Variants in GSTT4 observed in about 807,000 individuals in gnomAD.
The protein encoded by GSTT4 is glutathione S-transferase theta 4.
At chr22:23,996,874 T>C (rs1452101250), downstream of GSTT4, among the ~76,000 whole-genome samples, 1 of 152,074 alleles carries the variant, frequency 6.6e-6, no homozygotes, top group Non-Finnish European at 1.5e-5. Flanking sequence ...TTTCTTCCTG[T>C]TTTATTTTTT....
Position 24,001,251 on chromosome 22 carries a change from C to G in GSTT4, c.275G>C (p.Arg92Pro), listed in dbSNP as rs1313595973. ...AGCCACGAACTCATCCACACGGGCA[C>G]GTGCGTGCGGGTCTGGCGGGCACCA... ...SHWCPPDPHA[R>P]ARVDEFVAWQ... Residue 92 changes from arginine (R) to proline (P), a missense_variant, in exon 3 of 5, where the codon CGT becomes CCT. Arg to Pro is a moderately radical substitution (Grantham distance 103). Coordinates refer to ENST00000621179, the MANE Select transcript of GSTT4 (RefSeq NM_001358664.2). 1 of 151,688 alleles carries G rather than the reference C, an allele frequency of 6.6e-6. No individual in the cohort carries two copies. The highest frequency in any genetic ancestry group is 1.5e-5 in the Non-Finnish European group (1 of 67,886). 9.4% of individuals were successfully genotyped at this position (151,688 alleles called of 1,614,324 possible).
downstream of GSTT4, among the ~76,000 whole-genome samples, chr22:23,993,615 T>C (rs1477634308): frequency 2.6e-5 from 4 of 152,222 alleles, no homozygotes; most frequent in Non-Finnish European, 4.4e-5. Flanking sequence ...CTCTTCTCTC[T>C]GTCCCAATGT....
downstream of GSTT4, among the ~76,000 whole-genome samples, chr22:23,997,445 T>A (rs1407900448): frequency 6.6e-6 from 1 of 152,076 alleles, no homozygotes; most frequent in African/African-American, 2.4e-5. Flanking sequence ...CTGTTCTCAA[T>A]CTCCTGGCCT....
intron 4 of GSTT4, among the ~76,000 whole-genome samples, chr22:23,999,234 GC>G (rs1452985925): frequency 6.6e-6 from 1 of 152,010 alleles, no homozygotes; most frequent in Non-Finnish European, 1.5e-5. Flanking sequence ...TCTTTGGGAA[GC>G]CCAAGAATGG....
chr22:23,991,658 A>G, the GSTT4 span, among the ~76,000 whole-genome samples: 1 of 124,052 alleles, frequency 8.1e-6, no homozygotes, highest in Non-Finnish European at 1.8e-5. Context: ...CGCCCTCTTC[A>G]CTCATCCCTT....
chr22:23,996,005 T>A (rs6004012), downstream of GSTT4, among the ~76,000 whole-genome samples: 37,823 of 149,980 alleles, frequency 0.25, 5,965 homozygotes, highest in African/African-American at 0.48. Flanking sequence ...GTGCAGTGGC[T>A]TGATCTTGGC....
chr22:23,994,125 G>T (rs680065), downstream of GSTT4, among the ~76,000 whole-genome samples: 1 of 151,940 alleles, frequency 6.6e-6, no homozygotes, highest in Admixed American at 6.6e-5. Context: ...GAGATATAAT[G>T]TTCAAATTTA....
At position 24,005,330 on chromosome 22, in the gene GSTT4, C is replaced by G. The variant is rs1319367808; in HGVS notation, c.27G>C (p.Leu9=). The G allele has an allele frequency of 6.5e-6, 1 of 153,366 alleles. No homozygotes were observed. Among genetic ancestry groups the G allele is most frequent in the Non-Finnish European group, 1.5e-5 (1 of 68,556 alleles). 9.5% of individuals were successfully genotyped at this position (153,366 alleles called of 1,614,324 possible). Residue 9 remains leucine (L), a synonymous_variant, in exon 1 of 5, where the codon CTG becomes CTC. Coordinates refer to ENST00000621179, the MANE Select transcript of GSTT4 (RefSeq NM_001358664.2). ...AGACGGCACGGCAGGGTGCTGACAG[C>G]AGGTCCATGTAGAGCTCCAGTGCCA... MALELYMD[L]LSAPCRAVYI...
At chr22:23,995,940 G>T (rs1175731162), downstream of GSTT4, among the ~76,000 whole-genome samples, 2 of 151,944 alleles carry the variant, frequency 1.3e-5, no homozygotes, top group Non-Finnish European at 2.9e-5. Context: ...CTGCAACCTT[G>T]CTGAACTTAT....
chr22:23,999,124 C>A (rs2034170154), intron 4 of GSTT4, among the ~76,000 whole-genome samples: 1 of 152,152 alleles, frequency 6.6e-6, no homozygotes. Flanking sequence ...CATGTTTAGC[C>A]TCCCACTGTG....
the GSTT4 span, among the ~76,000 whole-genome samples, chr22:23,991,820 C>G: frequency 7.4e-6 from 1 of 135,504 alleles, no homozygotes; most frequent in African/African-American, 2.6e-5. Context: ...TTTGGGAGAC[C>G]GAGGGGGGTG....
chr22:23,998,288 T>C (rs1471372791), downstream of GSTT4: 1 of 152,132 alleles, frequency 6.6e-6, no homozygotes, highest in Admixed American at 6.6e-5. Flanking sequence ...AATGTAACCA[T>C]ATTTAACCCT....
downstream of GSTT4, among the ~76,000 whole-genome samples, chr22:23,998,235 T>C (rs546079016): frequency 7.4e-6 from 1 of 136,044 alleles, no homozygotes; most frequent in East Asian, 2.1e-4. Context: ...GTTTTTCTAT[T>C]ACTGAAAGTG....
chr22:24,002,378 G>A (rs2034250894), intron 2 of GSTT4, among the ~76,000 whole-genome samples: 2 of 152,282 alleles, frequency 1.3e-5, no homozygotes, highest in South Asian at 2.1e-4. Flanking sequence ...CGGAGGGGAT[G>A]TCCTAGGCCT....
At chr22:24,003,517 A>T (rs1406517942) in intron 2 of GSTT4, among the ~76,000 whole-genome samples, 2 of 152,280 alleles carry the variant, frequency 1.3e-5, no homozygotes, top group African/African-American at 4.8e-5. Context: ...CTAAACATTT[A>T]TGAATGGAAT....
downstream of GSTT4, among the ~76,000 whole-genome samples, chr22:23,995,133 G>T (rs12158405): frequency 0.28 from 38,645 of 139,312 alleles, 6,201 homozygotes; most frequent in African/African-American, 0.5. Flanking sequence ...TTTTTTTTTT[G>T]TTTGTTTGTT....
downstream of GSTT4, among the ~76,000 whole-genome samples, chr22:23,997,218 T>C (rs2146223520): frequency 6.6e-6 from 1 of 152,080 alleles, no homozygotes; most frequent in South Asian, 2.1e-4. Flanking sequence ...TTTTCATTTT[T>C]GTTTTTGTTT....
At chr22:24,005,021 T>C (rs543379097) in intron 1 of GSTT4, 12 of 152,202 alleles carry the variant, frequency 7.9e-5, no homozygotes, top group Admixed American at 6.6e-4. Context: ...AAAAATTAGC[T>C]GGGCGTGGTG....
downstream of GSTT4, among the ~76,000 whole-genome samples, chr22:23,998,244 T>C (rs564742896): frequency 6.6e-6 from 1 of 152,296 alleles, no homozygotes; most frequent in East Asian, 1.9e-4. Context: ...TTACTGAAAG[T>C]GGGGTATTGA....
Sources: gnomAD v4.1 joint callset for allele counts (sites outside exome capture counted in the v4.1 genomes callset) on GRCh38, gnomAD v4.1.1 for gene constraint, MANE v1.5 for transcripts, NCBI Gene and HGNC (gene_info 2026-07-23, HGNC 2026-07-21) for gene names.